RFX4: variants seen among roughly 807,000 people sequenced by gnomAD.
RFX4 encodes the protein regulatory factor X4.
A neutral mutation model predicts 95.0 loss-of-function variants in RFX4; 10 were observed. That is an observed-to-expected ratio of 0.11 (90% CI 0.06 to 0.18). The LOEUF is 0.18. Ranked by LOEUF, RFX4 falls within the 10% of genes least tolerant of loss-of-function variation. The pLI is 1.00. For synonymous variants in RFX4, 321 were observed against 340.7 expected, an observed-to-expected ratio of 0.94 and a Z score of 0.64; for missense variants, 640 against 922.0, an observed-to-expected ratio of 0.69 and a Z score of 3.96.
chr12:106,606,008 A>T (rs2039824922), intron 1 of RFX4, among the ~76,000 whole-genome samples: 1 of 152,104 alleles, frequency 6.6e-6, no homozygotes, highest in South Asian at 2.1e-4. Flanking sequence ...GCCGTGAGGA[A>T]AGTTCTTTCT....
chr12:106,674,814 G>A (rs898896775), intron 4 of RFX4, among the ~76,000 whole-genome samples: 22 of 152,134 alleles, frequency 1.4e-4, no homozygotes, highest in Non-Finnish European at 2.2e-4. Context: ...CAAAATGTCC[G>A]GCCTGTAGCA....
intron 1 of RFX4, among the ~76,000 whole-genome samples, chr12:106,597,879 T>A (rs1391495925): frequency 6.6e-6 from 1 of 152,030 alleles, no homozygotes; most frequent in Non-Finnish European, 1.5e-5. Flanking sequence ...GTGGTTGGGA[T>A]GGGGGTGCAA....
At chr12:106,713,900 T>C (rs1356609940) in intron 10 of RFX4, among the ~76,000 whole-genome samples, 2 of 151,638 alleles carry the variant, frequency 1.3e-5, no homozygotes, top group African/African-American at 4.8e-5. Flanking sequence ...AAACCCTGTC[T>C]CTACTAAAAA....
intron 4 of RFX4, among the ~76,000 whole-genome samples, chr12:106,671,093 C>T (rs976304722): frequency 6.6e-6 from 1 of 152,046 alleles, no homozygotes; most frequent in African/African-American, 2.4e-5. Flanking sequence ...CTAAAATGAC[C>T]CCTGAAGTAA....
intron 8 of RFX4, among the ~76,000 whole-genome samples, chr12:106,706,053 G>A (rs1209526660): frequency 2.0e-5 from 3 of 152,200 alleles, no homozygotes; most frequent in South Asian, 2.1e-4. Flanking sequence ...TGGGGGCTTC[G>A]GGGAAGGTTT....
chr12:106,627,187 T>C (rs2040319659), intron 2 of RFX4, among the ~76,000 whole-genome samples: 1 of 152,214 alleles, frequency 6.6e-6, no homozygotes, highest in Admixed American at 6.5e-5. Context: ...TTCAGTGGCA[T>C]GATGGCATAG....
intron 2 of RFX4, among the ~76,000 whole-genome samples, chr12:106,634,329 C>T (rs1213749239): frequency 6.6e-6 from 1 of 152,100 alleles, no homozygotes; most frequent in Non-Finnish European, 1.5e-5. Flanking sequence ...GTCTTTGCCC[C>T]TGTAAATCTT....
chr12:106,613,955 G>T (rs1381353244), intron 2 of RFX4, among the ~76,000 whole-genome samples: 2 of 152,102 alleles, frequency 1.3e-5, no homozygotes, highest in African/African-American at 4.8e-5. Flanking sequence ...TTCTAAAGTT[G>T]TGCCAATTTA....
At chr12:106,593,341 C>G (rs1161691059) in intron 1 of RFX4, among the ~76,000 whole-genome samples, 3 of 152,182 alleles carry the variant, frequency 2.0e-5, no homozygotes, top group Admixed American at 6.5e-5. Context: ...TAGACACAAC[C>G]TAAGTGAGAC....
At position 106,762,132 on chromosome 12, in the gene RFX4, C is replaced by T. The variant is rs1339396124; in HGVS notation, c.*663C>T. 1 of 152,638 alleles carries T rather than the reference C, an allele frequency of 6.6e-6. No homozygotes were observed. Among genetic ancestry groups the T allele is most frequent in the Non-Finnish European group, 1.5e-5 (1 of 68,046 alleles). 9.5% of individuals were successfully genotyped at this position (152,638 alleles called of 1,614,324 possible). A position where few individuals can be genotyped will look rare whatever the true frequency, so the allele number is the denominator to read the frequency against. On this transcript the variant is annotated 3_prime_UTR_variant, in exon 18 of 18. Transcript: ENST00000392842. ...TCTTGAGGGAAGGAAGAGGTCTGTT[C>T]TGTATTGCCTTAAGTTGATTGAGGT...
At chr12:106,750,206 G>A (rs2042973202) in intron 16 of RFX4, among the ~76,000 whole-genome samples, 1 of 152,190 alleles carries the variant, frequency 6.6e-6, no homozygotes, top group African/African-American at 2.4e-5. Context: ...GCCGGACACG[G>A]TAGCTCATGC....
intron 1 of RFX4, among the ~76,000 whole-genome samples, chr12:106,584,754 G>T (rs2039429189): frequency 6.6e-6 from 1 of 152,206 alleles, no homozygotes; most frequent in Non-Finnish European, 1.5e-5. Context: ...TTGCCAGGGG[G>T]ATATTCTGTG....
chr12:106,706,073 A>T (rs2042080210), intron 8 of RFX4, among the ~76,000 whole-genome samples: 1 of 152,200 alleles, frequency 6.6e-6, no homozygotes, highest in Non-Finnish European at 1.5e-5. Flanking sequence ...TGCCTATAGA[A>T]ATAATATCTA....
intron 4 of RFX4, among the ~76,000 whole-genome samples, chr12:106,676,489 C>T (rs1489599780): frequency 2.0e-5 from 3 of 152,220 alleles, no homozygotes; most frequent in Admixed American, 2.0e-4. Context: ...TAATGATCTG[C>T]ATCATTCCTT....
intron 15 of RFX4, among the ~76,000 whole-genome samples, chr12:106,737,016 A>G (rs1256598065): frequency 6.6e-6 from 1 of 151,684 alleles, no homozygotes; most frequent in Non-Finnish European, 1.5e-5. Flanking sequence ...GCCTCCTTCT[A>G]CCCTCTGCCT....
At chr12:106,636,556 A>G (rs2040517730) in intron 2 of RFX4, among the ~76,000 whole-genome samples, 1 of 152,180 alleles carries the variant, frequency 6.6e-6, no homozygotes, top group Non-Finnish European at 1.5e-5. Flanking sequence ...GGTGGCATTT[A>G]TTCCAGGCTG....
chr12:106,682,835 C>A (rs886826512), intron 5 of RFX4: 2 of 152,106 alleles, frequency 1.3e-5, no homozygotes, highest in Non-Finnish European at 2.9e-5. Flanking sequence ...CTGTACTGCT[C>A]GACCTTCATT....
At chr12:106,653,468 CA>C (rs2040894283) in intron 3 of RFX4, among the ~76,000 whole-genome samples, 1 of 152,128 alleles carries the variant, frequency 6.6e-6, no homozygotes, top group East Asian at 1.9e-4. Context: ...TCAATCCCAC[CA>C]AAAGGAAACT....
chr12:106,613,783 C>A (rs1592851188), intron 2 of RFX4, among the ~76,000 whole-genome samples: 1 of 152,328 alleles, frequency 6.6e-6, no homozygotes, highest in East Asian at 1.9e-4. Context: ...GTTCCCTCCT[C>A]TTTCATTATT....
Sources: allele counts gnomAD v4.1 joint callset (sites outside exome capture counted in the v4.1 genomes callset), GRCh38; gene constraint gnomAD v4.1.1; transcripts MANE v1.5; gene names NCBI Gene and HGNC (gene_info 2026-07-23, HGNC 2026-07-21).